COG5: variants seen among roughly 807,000 people sequenced by gnomAD.
The protein encoded by COG5 is component of oligomeric golgi complex 5, also known as conserved oligomeric Golgi complex subunit 5.
In COG5, 86 loss-of-function variants were observed where a neutral mutation model predicts 110.4. The ratio of observed to expected loss-of-function variants is 0.78; its 90% CI spans 0.65 to 0.93. The LOEUF (loss-of-function observed/expected upper bound fraction) is 0.93. COG5 is among the 40% of genes least tolerant of loss of function. COG5 has a pLI of 0.00. For missense variants in COG5, 1,077 were observed against 987.0 expected, an observed-to-expected ratio of 1.09 and a Z score of -1.22; for synonymous variants, 360 against 334.6, an observed-to-expected ratio of 1.08 and a Z score of -0.83.
At chr7:107,529,379 T>C (rs951974724) in intron 5 of COG5, among the ~76,000 whole-genome samples, 2 of 152,166 alleles carry the variant, frequency 1.3e-5, no homozygotes, top group Non-Finnish European at 2.9e-5. Flanking sequence ...GGAGAGGACA[T>C]TTCCTGATGG....
At chr7:107,312,971 A>G (rs1808416183) in intron 11 of COG5, among the ~76,000 whole-genome samples, 1 of 152,184 alleles carries the variant, frequency 6.6e-6, no homozygotes, top group African/African-American at 2.4e-5. Context: ...TTGTGAGGGA[A>G]GCCAGGGAAT....
At chr7:107,331,396 A>G (rs1470762895) in intron 10 of COG5, among the ~76,000 whole-genome samples, 1 of 152,042 alleles carries the variant, frequency 6.6e-6, no homozygotes, top group Non-Finnish European at 1.5e-5. Context: ...TGAACCCGGG[A>G]GGCGGAGCTT....
At chr7:107,472,555 T>C (rs898741937) in intron 6 of COG5, 1 of 151,990 alleles carries the variant, frequency 6.6e-6, no homozygotes, top group Non-Finnish European at 1.5e-5. Flanking sequence ...AAAGACCTGA[T>C]GTTTAATCTG....
At chr7:107,538,157 G>C (rs1801724275) in intron 5 of COG5, among the ~76,000 whole-genome samples, 1 of 152,146 alleles carries the variant, frequency 6.6e-6, no homozygotes, top group South Asian at 2.1e-4. Flanking sequence ...GCTTTTCTTT[G>C]TAACCACATG....
chr7:107,514,758 G>T (rs1354574091), intron 6 of COG5, among the ~76,000 whole-genome samples: 2 of 152,142 alleles, frequency 1.3e-5, no homozygotes, highest in Non-Finnish European at 2.9e-5. Flanking sequence ...AGCACACATA[G>T]TAGATATTCA....
At chr7:107,481,028 TGTACTTGCACCAGCAAGTGGTA>T in intron 6 of COG5, 1 of 152,316 alleles carries the variant, frequency 6.6e-6, no homozygotes, top group African/African-American at 2.4e-5. Context: ...ATGACAGCTT[TGTACTTGCACCAGCAAGTGGTA>T]AAATGTGCTG....
At chr7:107,262,465 G>A (rs145276773) in intron 14 of COG5, among the ~76,000 whole-genome samples, 1 of 152,268 alleles carries the variant, frequency 6.6e-6, no homozygotes, top group African/African-American at 2.4e-5. Context: ...AGAGCAAGCG[G>A]GGCAGGGTAT....
At chr7:107,531,726 C>T (rs905858515) in intron 5 of COG5, among the ~76,000 whole-genome samples, 1 of 150,866 alleles carries the variant, frequency 6.6e-6, no homozygotes, top group Non-Finnish European at 1.5e-5. Context: ...AAGGGATGCC[C>T]AACCCATCAT....
At chr7:107,420,561 A>G (rs907696443) in intron 6 of COG5, among the ~76,000 whole-genome samples, 2 of 152,070 alleles carry the variant, frequency 1.3e-5, no homozygotes, top group Non-Finnish European at 2.9e-5. Flanking sequence ...TCCAGGTTCA[A>G]GTGATTCTCC....
chr7:107,507,467 G>A lies in COG5; in HGVS notation c.538+19770C>T, dbSNP rs900166644. ...CACCACCATGCCCAGCTAATTTTTT[G>A]TATTTTTTTTTTTTTTTTTTTAGTA... On this transcript the variant is annotated intron_variant, in intron 6 of 21. Transcript: ENST00000297135. 1.4e-4 allele frequency among the ~76,000 whole-genome samples: 16 copies of A among 112,568 alleles called. 1 individual carries two copies. Among genetic ancestry groups the A allele is most frequent in the African/African-American group, 5.9e-4 (16 of 27,302 alleles). 73.8% of individuals were successfully genotyped at this position (112,568 alleles called of 152,430 possible). A position where few individuals can be genotyped will look rare whatever the true frequency, so the allele number is the denominator to read the frequency against.
intron 6 of COG5, among the ~76,000 whole-genome samples, chr7:107,438,746 C>A (rs147333587): frequency 1.3e-5 from 2 of 152,132 alleles, no homozygotes; most frequent in Non-Finnish European, 2.9e-5. Flanking sequence ...AAACTAGAGG[C>A]GATTTAAGTG....
intron 6 of COG5, among the ~76,000 whole-genome samples, chr7:107,502,207 C>T (rs767789258): frequency 3.3e-5 from 5 of 152,092 alleles, no homozygotes; most frequent in Non-Finnish European, 7.4e-5. Context: ...CATTTTATCA[C>T]TCTAAGTCTT....
chr7:107,442,157 G>C (rs989235474), intron 6 of COG5, among the ~76,000 whole-genome samples: 38 of 152,282 alleles, frequency 2.5e-4, no homozygotes, highest in African/African-American at 8.7e-4. Context: ...CCCTGTTCTT[G>C]TGATAGTCAG....
At chr7:107,415,958 G>GTA (rs1201937905) in intron 6 of COG5, among the ~76,000 whole-genome samples, 7 of 74,228 alleles carry the variant, frequency 9.4e-5, no homozygotes, top group Non-Finnish European at 1.2e-4. Context: ...GTATGTGTGT[G>GTA]TATATACACA....
intron 8 of COG5, among the ~76,000 whole-genome samples, chr7:107,370,532 T>C (rs1015706434): frequency 2.0e-5 from 3 of 152,066 alleles, no homozygotes; most frequent in South Asian, 2.1e-4. Context: ...ACGCCTGTAA[T>C]CTCAGCACTT....
chr7:107,241,136 G>A (rs1311932367), intron 17 of COG5, among the ~76,000 whole-genome samples: 1 of 152,112 alleles, frequency 6.6e-6, no homozygotes, highest in Non-Finnish European at 1.5e-5. Context: ...TTATCTACAG[G>A]CACTAGTTGC....
intron 10 of COG5, among the ~76,000 whole-genome samples, chr7:107,334,081 G>A (rs1297140532): frequency 6.6e-6 from 1 of 152,072 alleles, no homozygotes; most frequent in Non-Finnish European, 1.5e-5. Context: ...CAAAGGAAAG[G>A]AAATCAGTAT....
At chr7:107,483,392 C>T (rs753979194) in intron 6 of COG5, among the ~76,000 whole-genome samples, 2 of 152,044 alleles carry the variant, frequency 1.3e-5, no homozygotes, top group Non-Finnish European at 2.9e-5. Context: ...AAATCAGCTG[C>T]TAGTGAATAC....
intron 6 of COG5, among the ~76,000 whole-genome samples, chr7:107,432,267 C>T (rs7783330): frequency 6.6e-6 from 1 of 152,100 alleles, no homozygotes; most frequent in African/African-American, 2.4e-5. Flanking sequence ...CCATAATGTT[C>T]TATAAAAATA....
Sources: allele counts gnomAD v4.1 joint callset (sites outside exome capture counted in the v4.1 genomes callset), GRCh38; gene constraint gnomAD v4.1.1; transcripts MANE v1.5; gene names NCBI Gene and HGNC (gene_info 2026-07-23, HGNC 2026-07-21).